The following APOL4 variants were observed in gnomAD, a reference collection of about 807,000 sequenced individuals.
APOL4 encodes the protein apolipoprotein L4, also known as apolipoprotein L, 4.
A neutral mutation model predicts 12.1 loss-of-function variants in APOL4; 14 were observed. The ratio of observed to expected loss-of-function variants is 1.16; its 90% CI spans 0.76 to 1.81. APOL4 has a LOEUF of 1.81. Ranked by LOEUF, APOL4 falls within the 40% of genes most tolerant of loss-of-function variation. The pLI is 0.00. For synonymous variants in APOL4, 171 were observed against 160.6 expected (o/e 1.06, Z -0.49); for missense variants, 432 against 423.1 (o/e 1.02, Z -0.18).
At chr22:36,192,063 G>A (rs554822039) in intron 3 of APOL4, among the ~76,000 whole-genome samples, 151 bp from the exon 4 acceptor site, 258 of 152,284 alleles carry the variant, frequency 1.7e-3, no homozygotes, top group African/African-American at 5.9e-3. Flanking sequence ...TTTCAAGGCC[G>A]GGCGCGGTGG....
chr22:36,199,977 T>C (rs28684961), intron 1 of APOL4, among the ~76,000 whole-genome samples: 56,855 of 151,886 alleles, frequency 0.37, 11,666 homozygotes, highest in East Asian at 0.88. Flanking sequence ...TCGGCTAATT[T>C]TTTGTATTTT....
intron 1 of APOL4, chr22:36,199,643 G>A (rs1223825391): frequency 3.9e-6 from 6 of 1,551,510 alleles, no homozygotes; most frequent in Non-Finnish European, 3.5e-6. Flanking sequence ...ATCAGAGGAG[G>A]GGCAGCCATC....
At chr22:36,202,206 A>G, upstream of APOL4, 1 of 1,024,168 alleles carries the variant, frequency 9.8e-7, no homozygotes. Context: ...TGCTGGGCTC[A>G]AGTGATCTTC....
intron 1 of APOL4, among the ~76,000 whole-genome samples, chr22:36,200,175 C>T (rs1263683799): frequency 1.3e-5 from 2 of 152,336 alleles, no homozygotes; most frequent in South Asian, 2.1e-4. Context: ...ATGGGTACCA[C>T]TTTCCCATTT....
chr22:36,189,851 G>A lies in APOL4; in HGVS notation c.*1224C>T, dbSNP rs2014195808. 1 of 152,578 alleles carries A rather than the reference G, an allele frequency of 6.6e-6. No homozygotes were observed. The highest frequency in any genetic ancestry group is 2.4e-5 in the African/African-American group (1 of 41,328). The allele number at this position is 152,578 out of a possible 1,614,324, so 9.5% of individuals were successfully genotyped here. ...AGTAACCCCTCCCCTGCTGTGCTCA[G>A]CTACAGATGCCAAAGTTCCTAACAC... On this transcript the variant is annotated 3_prime_UTR_variant, in exon 4 of 4. Coordinates refer to ENST00000683024, the MANE Select transcript of APOL4 (RefSeq NM_001386885.1).
At position 36,191,196 on chromosome 22, in the gene APOL4, G is replaced by A. The variant is rs776133579; in HGVS notation, c.926C>T (p.Ser309Leu). 1.3e-5 allele frequency: 21 copies of A among 1,613,834 alleles called. No individual in the cohort carries two copies. In the South Asian group the frequency reaches 2.3e-4, roughly 18 times the overall value. Residue 309 changes from serine (S) to leucine (L), a missense_variant, in exon 4 of 4, where the codon TCA (serine) becomes TTA (leucine). Coordinates refer to ENST00000683024, the MANE Select transcript of APOL4 (RefSeq NM_001386885.1). ...VLDVVNLVQDSLDLHKGAKSE... is the reference protein window; with the variant it reads ...VLDVVNLVQDLLDLHKGAKSE... ...TTTTGCCCCCTTGTGCAAGTCCAGT[G>A]AGTCTTGCACAAGGTTGACTACATC...
chr22:36,191,213 G>C lies in APOL4; in HGVS notation c.909C>G (p.Val303=). The C allele has an allele frequency of 6.2e-7, 1 of 1,613,966 alleles. No homozygotes were observed. Among genetic ancestry groups the C allele is most frequent in the African/African-American group, 1.3e-5 (1 of 75,034 alleles). The change falls in exon 4 of 4, where the codon GTC becomes GTG. Residue 303 remains valine (V), a synonymous_variant. Transcript: ENST00000683024. ...AGTCCAGTGAGTCTTGCACAAGGTT[G>C]ACTACATCCAGCACAACAAGGACAC... ...TSGVLVVLDV[V]NLVQDSLDLH...
upstream of APOL4, chr22:36,202,242 G>A (rs1158108754): frequency 6.9e-6 from 5 of 720,340 alleles, no homozygotes; most frequent in East Asian, 2.8e-5. Context: ...GAGTAGCTGG[G>A]ACTACAGGTG....
At chr22:36,199,475 C>T (rs577968333) in intron 1 of APOL4, 99 bp from the exon 2 acceptor site, 3 of 1,613,242 alleles carry the variant, frequency 1.9e-6, no homozygotes, top group Admixed American at 3.3e-5. Context: ...TCTGAGGTGG[C>T]AGCAAATGCC....
chr22:36,196,512 G>T (rs375231602), intron 2 of APOL4, among the ~76,000 whole-genome samples: 4 of 152,098 alleles, frequency 2.6e-5, no homozygotes, highest in African/African-American at 9.7e-5. Context: ...ACCTTAAGTG[G>T]CATACATAAT....
chr22:36,195,145 G>A, intron 3 of APOL4, 166 bp downstream of exon 3: 1 of 877,514 alleles, frequency 1.1e-6, no homozygotes. Flanking sequence ...CTCACTGCCA[G>A]CGAAGCACTT....
chr22:36,198,654 G>A (rs537872322), intron 2 of APOL4, among the ~76,000 whole-genome samples: 17 of 152,328 alleles, frequency 1.1e-4, no homozygotes, highest in African/African-American at 2.9e-4. Flanking sequence ...TAGGGAGGCC[G>A]TACTGTGTGG....
At position 36,191,493 on chromosome 22, in the gene APOL4, T is replaced by C. The variant is rs373026421; in HGVS notation, c.629A>G (p.Asp210Gly). Reference protein sequence around the residue: ...TASRLTATSTDQLEALRDILR... With the variant: ...TASRLTATSTGQLEALRDILR... ...AATGTCCCTTAATGCCTCCAATTGG[T>C]CAGTGCTGGTTGCAGTCAGCCTGCT... is the stretch of plus-strand genomic sequence containing the variant. Residue 210 changes from aspartate to glycine, a missense_variant, in exon 4 of 4, where the codon GAC (aspartate) becomes GGC (glycine). Coordinates refer to ENST00000683024, the MANE Select transcript of APOL4 (RefSeq NM_001386885.1). 88 of 1,613,910 alleles carry C rather than the reference T, an allele frequency of 5.5e-5. No homozygotes were observed. The highest frequency in any genetic ancestry group is 7.1e-5 in the Non-Finnish European group (84 of 1,179,890).
At chr22:36,197,873 A>G (rs2014459945) in intron 2 of APOL4, 1 of 1,522,592 alleles carries the variant, frequency 6.6e-7, no homozygotes, top group South Asian at 1.3e-5. Context: ...GACCAGTAAG[A>G]TCTAACTCAG....
intron 2 of APOL4, among the ~76,000 whole-genome samples, chr22:36,196,109 G>C (rs2014407344): frequency 1.3e-5 from 2 of 152,182 alleles, no homozygotes; most frequent in South Asian, 4.1e-4. Context: ...CCCATGTACG[G>C]GAAATATTCC....
chr22:36,190,960 G>T lies in APOL4; in HGVS notation c.*115C>A. On this transcript the variant is annotated 3_prime_UTR_variant, in exon 4 of 4. Coordinates refer to ENST00000683024, the MANE Select transcript of APOL4 (RefSeq NM_001386885.1). ...AAGACAGGCATAGGAAATTATAAAA[G>T]TATTAATTTGGGGAACTAATAAATG... 1.1e-6 allele frequency: 1 copy of T among 922,064 alleles called. No individual in the cohort carries two copies. The allele number at this position is 922,064 out of a possible 1,614,324, so 57.1% of individuals were successfully genotyped here.
At chr22:36,195,547 G>A in intron 2 of APOL4, 110 bp from the exon 3 acceptor site, 1 of 1,310,582 alleles carries the variant, frequency 7.6e-7, no homozygotes, top group South Asian at 1.4e-5. Context: ...GTCACATGGG[G>A]TATTTTTGAT....
intron 2 of APOL4, 133 bp from the exon 3 acceptor site, chr22:36,195,570 G>T: frequency 1.0e-6 from 1 of 968,708 alleles, no homozygotes; most frequent in Non-Finnish European, 1.5e-6. Flanking sequence ...AGGCACCAGT[G>T]CTATAGACTG....
intron 1 of APOL4, 112 bp from the exon 2 acceptor site, chr22:36,199,488 G>T (rs2014506510): frequency 6.2e-7 from 1 of 1,613,008 alleles, no homozygotes; most frequent in South Asian, 1.1e-5. Flanking sequence ...CAAATGCCAA[G>T]ACCAACCTAA....
Sources: allele counts gnomAD v4.1 joint callset (sites outside exome capture counted in the v4.1 genomes callset), GRCh38; gene constraint gnomAD v4.1.1; transcripts MANE v1.5; gene names NCBI Gene and HGNC (gene_info 2026-07-23, HGNC 2026-07-21).